The following FAM222B variants were observed in gnomAD, a reference collection of about 807,000 sequenced individuals.
FAM222B encodes the protein family with sequence similarity 222 member B.
A neutral mutation model predicts 38.0 loss-of-function variants in FAM222B; 12 were observed. That is an observed-to-expected ratio of 0.32 (90% CI 0.20 to 0.51). The LOEUF (loss-of-function observed/expected upper bound fraction) is 0.51. FAM222B is among the 20% of genes least tolerant of loss of function. The pLI is 0.97. For missense variants in FAM222B, 716 were observed against 754.2 expected, an observed-to-expected ratio of 0.95 and a Z score of 0.59; for synonymous variants, 329 against 317.2, an observed-to-expected ratio of 1.04 and a Z score of -0.40.
chr17:28,855,001 T>C (rs774205995), exon 1 of FAM222B: 12 of 1,545,696 alleles, frequency 7.8e-6, no homozygotes, highest in Non-Finnish European at 9.6e-6. Context: ...GTAGGAGCGC[T>C]CCTGGTCGGT....
At chr17:28,817,278 T>C (rs1008189228) in intron 1 of FAM222B, among the ~76,000 whole-genome samples, 1 of 151,378 alleles carries the variant, frequency 6.6e-6, no homozygotes, top group Non-Finnish European at 1.5e-5. Flanking sequence ...CCGGGCGTGG[T>C]GGCACATGCC....
chr17:28,822,802 C>CAAAAAAAA (rs71135859), intron 1 of FAM222B, among the ~76,000 whole-genome samples: 2 of 9,882 alleles, frequency 2.0e-4, no homozygotes, highest in Non-Finnish European at 3.7e-4. Context: ...GACTCCATCT[C>CAAAAAAAA]AAAAAAAAAA....
intron 1 of FAM222B, among the ~76,000 whole-genome samples, chr17:28,818,209 T>G (rs1472360900): frequency 6.6e-6 from 1 of 151,748 alleles, no homozygotes. Context: ...CAAGCCTCAG[T>G]GACAGAGCAA....
intron 1 of FAM222B, among the ~76,000 whole-genome samples, chr17:28,796,117 T>C (rs1038117862): frequency 1.3e-5 from 2 of 152,212 alleles, no homozygotes; most frequent in African/African-American, 4.8e-5. Context: ...ATACCGGTTA[T>C]TAAAATCCAT....
At chr17:28,765,307 G>GT (rs1459444034) in intron 2 of FAM222B, among the ~76,000 whole-genome samples, 4 of 152,146 alleles carry the variant, frequency 2.6e-5, no homozygotes, top group Admixed American at 2.0e-4. Flanking sequence ...TCCAGTTGCT[G>GT]TTTTTTTGTA....
intron 1 of FAM222B, among the ~76,000 whole-genome samples, chr17:28,768,155 A>T (rs1359939669): frequency 1.3e-5 from 2 of 152,198 alleles, no homozygotes; most frequent in Non-Finnish European, 2.9e-5. Context: ...AAGTACACGA[A>T]CTTCTTTTCC....
intron 1 of FAM222B, among the ~76,000 whole-genome samples, chr17:28,848,220 G>A (rs1489318461): frequency 6.6e-6 from 1 of 152,100 alleles, no homozygotes; most frequent in Admixed American, 6.6e-5. Context: ...TGGGAAAGAA[G>A]CAAAATTCTC....
intron 1 of FAM222B, among the ~76,000 whole-genome samples, chr17:28,837,385 G>A (rs959821482): frequency 3.3e-5 from 5 of 150,122 alleles, no homozygotes; most frequent in African/African-American, 9.8e-5. Context: ...AGCCGAGATC[G>A]AGCCACTGCA....
rs1364057135 is a variant in FAM222B at position 28,759,245 on chromosome 17, G to T, written c.714C>A (p.Ala238=). The T allele has an allele frequency of 1.2e-6, 2 of 1,613,664 alleles. No homozygotes were observed. Among genetic ancestry groups the T allele is most frequent in the South Asian group, 1.1e-5 (1 of 91,002 alleles). ...HGGRKMPDSD[A]PPNVTVSTST... is the part of the protein sequence containing the mutation. ...AGGTAGACACGGTCACATTCGGGGG[G>T]GCATCTGAGTCTGGCATCTTCCGGC... Residue 238 remains alanine (A), a synonymous_variant, in exon 3 of 3, where the codon GCC becomes GCA. Coordinates refer to ENST00000581407, the MANE Select transcript of FAM222B (RefSeq NM_001077498.3). The surrounding 1 kb of genome is among the most constrained non-coding windows in gnomAD (Gnocchi z 4.8).
In FAM222B at chr17:28,757,025, G is replaced by A. The variant is rs942179884; in HGVS notation, c.*1245C>T. On this transcript the variant is annotated 3_prime_UTR_variant, in exon 3 of 3. Coordinates refer to ENST00000581407, the MANE Select transcript of FAM222B (RefSeq NM_001077498.3). ...TCTAAGTTTAAAATTACAGAAAAGT[G>A]TTTCTAGCCAACTAATTGTCGCTTG... 6.6e-6 allele frequency: 1 copy of A among 152,574 alleles called. No individual in the cohort carries two copies. The highest frequency in any genetic ancestry group is 2.4e-5 in the African/African-American group (1 of 41,462). 9.5% of individuals were successfully genotyped at this position (152,574 alleles called of 1,614,324 possible). A position where few individuals can be genotyped will look rare whatever the true frequency, so the allele number is the denominator to read the frequency against.
intron 1 of FAM222B, among the ~76,000 whole-genome samples, chr17:28,786,702 G>A (rs2036425572): frequency 6.6e-6 from 1 of 152,040 alleles, no homozygotes; most frequent in South Asian, 2.1e-4. Flanking sequence ...AATTTTCTGG[G>A]AAAAAGGATT....
At chr17:28,800,138 T>A (rs1180861718) in intron 1 of FAM222B, among the ~76,000 whole-genome samples, 1 of 151,874 alleles carries the variant, frequency 6.6e-6, no homozygotes, top group East Asian at 1.9e-4. Flanking sequence ...TTCAAGCGAT[T>A]CTCCTGCCTC....
At chr17:28,798,540 A>G (rs2151892889) in intron 1 of FAM222B, among the ~76,000 whole-genome samples, 1 of 152,284 alleles carries the variant, frequency 6.6e-6, no homozygotes, top group South Asian at 2.1e-4. Context: ...AGACAGCAGC[A>G]CAGCTTTTAA....
At position 28,756,149 on chromosome 17, in the gene FAM222B, G is replaced by C. The variant is rs1052273; in HGVS notation, c.*2121C>G. The C allele has an allele frequency of 6.5e-6, 1 of 152,772 alleles. No homozygotes were observed. Among genetic ancestry groups the C allele is most frequent in the Non-Finnish European group, 1.5e-5 (1 of 68,196 alleles). 9.5% of individuals were successfully genotyped at this position (152,772 alleles called of 1,614,324 possible). Reference sequence around the variant, plus strand: ...GTAGGATGGAGACAGGGAGTGTGGAGAGGAGGCCCTGGCTTGGACCCTTAT... The same window carrying C: ...GTAGGATGGAGACAGGGAGTGTGGACAGGAGGCCCTGGCTTGGACCCTTAT... On this transcript the variant is annotated 3_prime_UTR_variant, in exon 3 of 3. Transcript: ENST00000581407.
chr17:28,765,274 C>T (rs141231272), intron 2 of FAM222B, among the ~76,000 whole-genome samples: 76 of 152,328 alleles, frequency 5.0e-4, no homozygotes, highest in African/African-American at 1.6e-3. Context: ...CAGGGGCTGG[C>T]AAACGACAGC....
At chr17:28,802,557 CT>C (rs1218309823) in intron 1 of FAM222B, 1 of 158,544 alleles carries the variant, frequency 6.3e-6, no homozygotes, top group African/African-American at 2.4e-5. Flanking sequence ...GAGTGAGCCT[CT>C]AAGAAGCAAG....
intron 1 of FAM222B, among the ~76,000 whole-genome samples, chr17:28,776,502 GCTGGAGTA>G (rs1477375859): frequency 7.1e-6 from 1 of 141,560 alleles, no homozygotes; most frequent in Non-Finnish European, 1.5e-5. Flanking sequence ...TGTCACTCAG[GCTGGAGTA>G]CAGTGGCACA....
At chr17:28,804,892 C>T (rs1306935307) in intron 1 of FAM222B, among the ~76,000 whole-genome samples, 1 of 150,478 alleles carries the variant, frequency 6.6e-6, no homozygotes, top group Non-Finnish European at 1.5e-5. Context: ...AATACAGAAA[C>T]AAAATTAGCC....
chr17:28,762,487 G>A (rs907450643), intron 2 of FAM222B, among the ~76,000 whole-genome samples: 1 of 151,244 alleles, frequency 6.6e-6, no homozygotes, highest in Non-Finnish European at 1.5e-5. Context: ...ATTAGCCTGG[G>A]ATGGTGGAGC....
Sources: allele counts gnomAD v4.1 joint callset (sites outside exome capture counted in the v4.1 genomes callset), GRCh38; gene constraint gnomAD v4.1.1; non-coding constraint Gnocchi (gnomAD v3.1); transcripts MANE v1.5; gene names NCBI Gene and HGNC (gene_info 2026-07-23, HGNC 2026-07-21).